STK39: variants seen among roughly 807,000 people sequenced by gnomAD.
STK39 encodes serine/threonine kinase 39.
STK39 carries 20 observed loss-of-function variants against 77.8 expected under a neutral mutation model. The observed-to-expected ratio is 0.26, with a 90% confidence interval of 0.18 to 0.37. STK39 has a LOEUF of 0.37. Ranked by LOEUF, STK39 falls within the 10% of genes least tolerant of loss-of-function variation. The pLI, the probability that STK39 is intolerant of heterozygous loss-of-function variation, is 1.00. For missense variants in STK39, 479 were observed against 656.5 expected (o/e 0.73, Z 2.95); for synonymous variants, 246 against 234.1 (o/e 1.05, Z -0.47).
intron 2 of STK39, among the ~76,000 whole-genome samples, chr2:168,173,283 G>T (rs1336058053): frequency 3.3e-5 from 5 of 152,148 alleles, no homozygotes; most frequent in Admixed American, 6.5e-5. Context: ...AATGGTATAG[G>T]AGTAATCTTG....
At chr2:168,141,253 G>A (rs768178205) in intron 5 of STK39, among the ~76,000 whole-genome samples, 2 of 152,078 alleles carry the variant, frequency 1.3e-5, no homozygotes, top group African/African-American at 2.4e-5. Context: ...TTGAGCATCC[G>A]GAAATGCTTG....
At chr2:168,122,091 T>A (rs775965796) in intron 10 of STK39, among the ~76,000 whole-genome samples, 6 of 152,188 alleles carry the variant, frequency 3.9e-5, no homozygotes, top group Non-Finnish European at 8.8e-5. Flanking sequence ...ACAGGTAAAT[T>A]ACGTGTTGTG....
At chr2:168,015,183 A>G (rs1202816363) in intron 15 of STK39, among the ~76,000 whole-genome samples, 1 of 152,254 alleles carries the variant, frequency 6.6e-6, no homozygotes, top group African/African-American at 2.4e-5. Context: ...AACAGGATAA[A>G]TATTCATGTA....
intron 1 of STK39, among the ~76,000 whole-genome samples, chr2:168,203,783 G>A (rs1042927384): frequency 3.9e-5 from 6 of 152,200 alleles, no homozygotes; most frequent in African/African-American, 7.2e-5. Flanking sequence ...TAGTAGAGAC[G>A]GGGTTTCACC....
intron 10 of STK39, among the ~76,000 whole-genome samples, chr2:168,086,887 C>T (rs1686381517): frequency 6.6e-6 from 1 of 152,214 alleles, no homozygotes; most frequent in African/African-American, 2.4e-5. Context: ...TATTCTGCAT[C>T]AGTCCTATCA....
At chr2:168,185,798 C>T (rs542958326) in intron 1 of STK39, among the ~76,000 whole-genome samples, 2 of 152,232 alleles carry the variant, frequency 1.3e-5, no homozygotes, top group East Asian at 3.9e-4. Flanking sequence ...TGCAAAAAAG[C>T]AGCAAAAAGA....
At chr2:168,112,865 A>G (rs2105473220) in intron 10 of STK39, 1 of 152,312 alleles carries the variant, frequency 6.6e-6, no homozygotes, top group African/African-American at 2.4e-5. Flanking sequence ...GGCCTCATCC[A>G]GCTGCCCTGA....
chr2:168,145,116 C>T (rs145390301), intron 5 of STK39, among the ~76,000 whole-genome samples: 92 of 152,194 alleles, frequency 6.0e-4, no homozygotes, highest in African/African-American at 2.2e-3. Flanking sequence ...GTCTTGGAGC[C>T]AGCCTTCAAG....
chr2:168,023,298 G>T (rs917471208), intron 14 of STK39, among the ~76,000 whole-genome samples: 3 of 149,716 alleles, frequency 2.0e-5, no homozygotes, highest in African/African-American at 7.4e-5. Flanking sequence ...TTTAACGTGA[G>T]AAGTTCAGAG....
rs1182775659 is a variant in STK39 at position 168,160,754 on chromosome 2, T to G, written c.628+1033A>C. ...ACTAGACTGCTTGGGGCTGGACAGT[T>G]TGAAATCTTTGCCCACAGATGTCTC... On this transcript the variant is annotated intron_variant, in intron 5 of 17. Transcript: ENST00000355999. Among the ~76,000 whole-genome samples the G allele has an allele frequency of 4.6e-5, 7 of 152,070 alleles. No individual in the cohort carries two copies. In the East Asian group the frequency reaches 7.7e-4, roughly 17 times the overall value.
chr2:167,987,944 C>T (rs576092963), intron 16 of STK39, among the ~76,000 whole-genome samples: 1 of 152,300 alleles, frequency 6.6e-6, no homozygotes, highest in East Asian at 1.9e-4. Flanking sequence ...TTAATCCTTA[C>T]AGCTATTCTA....
chr2:168,068,621 A>G (rs529956730), intron 12 of STK39, among the ~76,000 whole-genome samples: 199 of 152,368 alleles, frequency 1.3e-3, no homozygotes, highest in African/African-American at 4.7e-3. Context: ...CAACGTTTCT[A>G]TAAATCGAAA....
At chr2:168,209,350 T>C (rs1199084816) in intron 1 of STK39, among the ~76,000 whole-genome samples, 1 of 152,166 alleles carries the variant, frequency 6.6e-6, no homozygotes, top group Non-Finnish European at 1.5e-5. Context: ...TTCTTAGATA[T>C]ATATAACTTT....
intron 1 of STK39, among the ~76,000 whole-genome samples, chr2:168,213,156 C>T (rs1357511130): frequency 1.3e-5 from 2 of 152,166 alleles, no homozygotes; most frequent in South Asian, 2.1e-4. Context: ...CAGCAAATGT[C>T]TAACAAGGTA....
chr2:167,999,883 C>G (rs1446103575), intron 16 of STK39, among the ~76,000 whole-genome samples: 3 of 152,214 alleles, frequency 2.0e-5, no homozygotes, highest in Non-Finnish European at 4.4e-5. Flanking sequence ...ACCACTCTGG[C>G]CCCACATAGG....
At chr2:168,204,369 C>A (rs1689688651) in intron 1 of STK39, among the ~76,000 whole-genome samples, 1 of 152,142 alleles carries the variant, frequency 6.6e-6, no homozygotes. Flanking sequence ...CCAACCATTG[C>A]CAATACAAAG....
chr2:168,087,965 A>C (rs1271414936), intron 10 of STK39, among the ~76,000 whole-genome samples: 1 of 152,224 alleles, frequency 6.6e-6, no homozygotes, highest in Non-Finnish European at 1.5e-5. Flanking sequence ...GCTACTGGTT[A>C]AACATCATTT....
At chr2:168,134,324 A>T (rs1687777466) in intron 8 of STK39, among the ~76,000 whole-genome samples, 1 of 152,176 alleles carries the variant, frequency 6.6e-6, no homozygotes, top group African/African-American at 2.4e-5. Context: ...ACTTAAAATA[A>T]TTTTCAAAAG....
At chr2:168,140,529 TA>T in intron 6 of STK39, 119 bp downstream of exon 6, 1 of 1,148,102 alleles carries the variant, frequency 8.7e-7, no homozygotes, top group Non-Finnish European at 1.3e-6. Context: ...AATTGAGAAT[TA>T]AATCTTAGTT....
Sources: gnomAD v4.1 joint callset for allele counts (sites outside exome capture counted in the v4.1 genomes callset) on GRCh38, gnomAD v4.1.1 for gene constraint, MANE v1.5 for transcripts, NCBI Gene and HGNC (gene_info 2026-07-23, HGNC 2026-07-21) for gene names.